SDK1: variants seen among roughly 807,000 people sequenced by gnomAD.
SDK1 encodes protein sidekick-1.
A neutral mutation model predicts 245.5 loss-of-function variants in SDK1; 157 were observed. The observed-to-expected ratio is 0.64, with a 90% CI of 0.56 to 0.73. The LOEUF (loss-of-function observed/expected upper bound fraction) is 0.73. SDK1 is among the 30% of genes least tolerant of loss of function. The pLI, the probability that SDK1 is intolerant of heterozygous loss-of-function variation, is 0.00. For missense variants in SDK1, 3,583 were observed against 3,002.3 expected (o/e 1.19, Z -4.52); for synonymous variants, 1,647 against 1,278.5 (o/e 1.29, Z -6.15).
At position 3,724,049 on chromosome 7, in the gene SDK1, C is replaced by T. The variant is rs903344487; in HGVS notation, c.713+81944C>T. Among the ~76,000 whole-genome samples the T allele has an allele frequency of 6.7e-5, 10 of 150,156 alleles. 1 individual carries two copies. Among genetic ancestry groups the T allele is most frequent in the Admixed American group, 4.0e-4 (6 of 15,150 alleles). ...TGTGATCTCGGCTCACTGCAACCTCCGCCTCCCGGGTTCAAGCGATTCTCC... is the reference window on the plus strand; with the variant it reads ...TGTGATCTCGGCTCACTGCAACCTCTGCCTCCCGGGTTCAAGCGATTCTCC... On this transcript the variant is annotated intron_variant, in intron 4 of 44. Transcript: ENST00000404826.
At position 4,051,847 on chromosome 7, in the gene SDK1, G is replaced by T. The variant is rs1448975362; in HGVS notation, c.2911+17G>T. 6.3e-7 allele frequency: 1 copy of T among 1,598,106 alleles called. No homozygotes were observed. Reference sequence around the variant, plus strand: ...AGGAAGACAGTGAGTATTCCTTTCTGCGTGTCTCTTAAGTCACTTGTCAAA... The same window carrying T: ...AGGAAGACAGTGAGTATTCCTTTCTTCGTGTCTCTTAAGTCACTTGTCAAA... On this transcript the variant is annotated intron_variant, in intron 19 of 44. Transcript: ENST00000404826.
At chr7:3,706,602 C>T (rs1205126106) in intron 4 of SDK1, among the ~76,000 whole-genome samples, 1 of 152,152 alleles carries the variant, frequency 6.6e-6, no homozygotes, top group African/African-American at 2.4e-5. Context: ...TGGGGTTTCA[C>T]CATGTTAGCC....
intron 5 of SDK1, among the ~76,000 whole-genome samples, chr7:3,902,204 G>A (rs947785304): frequency 2.6e-5 from 4 of 152,102 alleles, no homozygotes; most frequent in East Asian, 1.9e-4. Flanking sequence ...GCGTGTGCAT[G>A]TGTGTGTGTG....
chr7:4,068,242 T>C (rs2128173417), intron 20 of SDK1, among the ~76,000 whole-genome samples: 1 of 152,296 alleles, frequency 6.6e-6, no homozygotes. Flanking sequence ...TTATGACACA[T>C]TTGTTCACAT....
chr7:3,573,942 G>A (rs968949594), intron 1 of SDK1, among the ~76,000 whole-genome samples: 20 of 151,902 alleles, frequency 1.3e-4, no homozygotes, highest in Non-Finnish European at 7.4e-5. Flanking sequence ...AATTCTACAT[G>A]CATTTACTGA....
At chr7:3,922,545 A>AAACAATGTAATCTCATT (rs1779629670) in intron 5 of SDK1, among the ~76,000 whole-genome samples, 1 of 152,258 alleles carries the variant, frequency 6.6e-6, no homozygotes, top group Admixed American at 6.5e-5. Flanking sequence ...AATATTTCTG[A>AAACAATGTAATCTCATT]AACAATGTAA....
At chr7:3,309,542 T>TA (rs1554256118) in intron 1 of SDK1, among the ~76,000 whole-genome samples, 7 of 148,656 alleles carry the variant, frequency 4.7e-5, no homozygotes, top group Admixed American at 1.3e-4. Flanking sequence ...TTTTTTTTTT[T>TA]ACATGAGTGT....
At chr7:4,049,542 T>G in intron 18 of SDK1, 79 bp downstream of exon 18, 2 of 1,054,094 alleles carry the variant, frequency 1.9e-6, no homozygotes, top group Non-Finnish European at 2.9e-6. Flanking sequence ...AGGCACCCCC[T>G]CTTGTGTATC....
chr7:3,711,588 G>C (rs1785053216), intron 4 of SDK1, among the ~76,000 whole-genome samples: 2 of 152,198 alleles, frequency 1.3e-5, no homozygotes, highest in African/African-American at 4.8e-5. Context: ...GCTGGTACCA[G>C]GGCTCAGAGC....
chr7:4,198,841 T>A (rs946364446), intron 35 of SDK1, among the ~76,000 whole-genome samples: 2 of 149,484 alleles, frequency 1.3e-5, no homozygotes, highest in Non-Finnish European at 3.0e-5. Flanking sequence ...TGAGACAGAG[T>A]CTTGCTTTGT....
In SDK1 at chr7:3,802,547, A is replaced by G. The variant is rs934936740; in HGVS notation, c.714-18903A>G. Reference sequence around the variant, plus strand: ...GAGACCCTATATCAAAAAAAAAAAAAGTGCTACAGAGCTGTTCTGTCACCA... The same window carrying G: ...GAGACCCTATATCAAAAAAAAAAAAGGTGCTACAGAGCTGTTCTGTCACCA... On this transcript the variant is annotated intron_variant, in intron 4 of 44. Coordinates refer to ENST00000404826, the MANE Select transcript of SDK1 (RefSeq NM_152744.4). Among the ~76,000 whole-genome samples, 12 of 151,384 alleles carry G rather than the reference A, an allele frequency of 7.9e-5. No homozygotes were observed. The East Asian group carries it at 2.2e-3, about 27-fold the overall frequency.
chr7:4,205,274 G>C (rs1416592014), intron 35 of SDK1, among the ~76,000 whole-genome samples: 1 of 152,146 alleles, frequency 6.6e-6, no homozygotes, highest in Non-Finnish European at 1.5e-5. Context: ...GGGCTTCATA[G>C]CCAGGGATGC....
intron 12 of SDK1, among the ~76,000 whole-genome samples, chr7:3,972,067 T>C (rs1203784203): frequency 7.0e-6 from 1 of 143,476 alleles, no homozygotes; most frequent in African/African-American, 2.7e-5. Flanking sequence ...GGAGGCCAGA[T>C]GTGAGGGTTC....
intron 1 of SDK1, among the ~76,000 whole-genome samples, chr7:3,494,906 C>T (rs143331519): frequency 2.0e-5 from 3 of 152,182 alleles, no homozygotes; most frequent in Admixed American, 6.5e-5. Context: ...AAATGTGTCT[C>T]CTTCTCTCTA....
At chr7:3,971,630 A>G (rs958882800) in intron 12 of SDK1, 62 bp downstream of exon 12, 1 of 1,214,594 alleles carries the variant, frequency 8.2e-7, no homozygotes, top group South Asian at 1.3e-5. Flanking sequence ...TCTGAAGTGA[A>G]GTTGAGATGA....
At chr7:4,182,519 G>A (rs1782658039) in intron 35 of SDK1, among the ~76,000 whole-genome samples, 1 of 152,166 alleles carries the variant, frequency 6.6e-6, no homozygotes, top group Non-Finnish European at 1.5e-5. Flanking sequence ...GACGTGTCCT[G>A]GAGACAGGGC....
Position 3,384,674 on chromosome 7 carries a change from C to G in SDK1, c.298+82790C>G, listed in dbSNP as rs10237582. On this transcript the variant is annotated intron_variant, in intron 1 of 44. Transcript: ENST00000404826. ...TTAGATTAGCTGTAGCTTCCCTTGC[C>G]ACATCGCGAATTTCCAGCATTCAAA... 4.1e-3 allele frequency among the ~76,000 whole-genome samples: 629 copies of G among 152,316 alleles called. 7 individuals carry two copies. Among genetic ancestry groups the G allele is most frequent in the African/African-American group, 0.011 (448 of 41,556 alleles).
At chr7:3,506,436 T>G (rs1178293781) in intron 1 of SDK1, among the ~76,000 whole-genome samples, 4 of 152,208 alleles carry the variant, frequency 2.6e-5, no homozygotes, top group African/African-American at 9.6e-5. Context: ...TTTGTTATTA[T>G]TCTCTTTTGG....
At chr7:4,154,242 G>T (rs1485982564) in intron 30 of SDK1, among the ~76,000 whole-genome samples, 1 of 152,174 alleles carries the variant, frequency 6.6e-6, no homozygotes, top group Non-Finnish European at 1.5e-5. Context: ...AGCCGTCCGA[G>T]GCAGTACGAG....
Sources: gnomAD v4.1 joint callset for allele counts (sites outside exome capture counted in the v4.1 genomes callset) on GRCh38, gnomAD v4.1.1 for gene constraint, MANE v1.5 for transcripts, NCBI Gene and HGNC (gene_info 2026-07-23, HGNC 2026-07-21) for gene names.